The following XKR6 variants were observed in gnomAD, a reference collection of about 807,000 sequenced individuals.
The protein encoded by XKR6 is XK related 6, also known as XK-related protein 6.
Under a neutral mutation model 56.7 loss-of-function variants are expected in XKR6, and 22 were observed. The observed-to-expected ratio is 0.39, with a 90% CI of 0.28 to 0.55. XKR6 has a LOEUF of 0.55. Among genes scored for constraint, XKR6 ranks in the 20% least tolerant of loss-of-function variants. The pLI is 0.66. For synonymous variants in XKR6, 524 were observed against 387.8 expected (o/e 1.35, Z -4.13); for missense variants, 852 against 889.0 (o/e 0.96, Z 0.53).
intron 1 of XKR6, among the ~76,000 whole-genome samples, chr8:10,966,833 TG>T (rs1802239368): frequency 6.6e-6 from 1 of 152,198 alleles, no homozygotes; most frequent in Non-Finnish European, 1.5e-5. Context: ...TGAGAAGCCG[TG>T]GTCTAAACCT....
At chr8:11,055,237 G>T (rs956165193) in intron 1 of XKR6, among the ~76,000 whole-genome samples, 119 of 152,272 alleles carry the variant, frequency 7.8e-4, no homozygotes, top group African/African-American at 2.7e-3. Context: ...GAAGCAGCGT[G>T]GGGTGGATGA....
chr8:11,187,923 A>T (rs1803360441), intron 1 of XKR6, among the ~76,000 whole-genome samples: 1 of 152,226 alleles, frequency 6.6e-6, no homozygotes, highest in South Asian at 2.1e-4. Flanking sequence ...CGCAAGTTTC[A>T]AGGAAGAGTT....
chr8:11,165,976 G>C (rs1393376137), intron 1 of XKR6, among the ~76,000 whole-genome samples: 1 of 141,530 alleles, frequency 7.1e-6, no homozygotes, highest in Non-Finnish European at 1.5e-5. Flanking sequence ...TTTTTTTTGA[G>C]ATGGAGTCTC....
intron 1 of XKR6, among the ~76,000 whole-genome samples, chr8:11,178,243 T>G (rs1265234566): frequency 6.6e-6 from 1 of 152,118 alleles, no homozygotes; most frequent in African/African-American, 2.4e-5. Context: ...AACAAATCTG[T>G]CTACTCTAGA....
chr8:10,969,636 C>T (rs1802341236), intron 1 of XKR6, among the ~76,000 whole-genome samples: 1 of 152,142 alleles, frequency 6.6e-6, no homozygotes, highest in African/African-American at 2.4e-5. Flanking sequence ...TCCTGAAAGG[C>T]CAGAGGAACT....
chr8:11,001,448 C>G (rs1441483831), intron 1 of XKR6, among the ~76,000 whole-genome samples: 2 of 152,198 alleles, frequency 1.3e-5, no homozygotes, highest in Non-Finnish European at 2.9e-5. Context: ...CAGCTAGACT[C>G]TCGAATATTC....
chr8:10,910,840 A>G (rs1306119483), intron 2 of XKR6, among the ~76,000 whole-genome samples: 2 of 152,206 alleles, frequency 1.3e-5, no homozygotes, highest in African/African-American at 4.8e-5. Flanking sequence ...TTCTAGAACA[A>G]ATGTCAGCCA....
chr8:11,195,009 A>C (rs1803795154), intron 1 of XKR6: 1 of 589,120 alleles, frequency 1.7e-6, no homozygotes, highest in African/African-American at 1.9e-5. Flanking sequence ...TCACTCAAAA[A>C]CAAGAAATAA....
At chr8:10,954,379 A>T (rs1333157819) in intron 1 of XKR6, among the ~76,000 whole-genome samples, 1 of 152,190 alleles carries the variant, frequency 6.6e-6, no homozygotes, top group Non-Finnish European at 1.5e-5. Context: ...GTGGTATCAC[A>T]GTGTGGTTTT....
chr8:10,941,779 C>A (rs983343671), intron 1 of XKR6, among the ~76,000 whole-genome samples: 4 of 152,162 alleles, frequency 2.6e-5, no homozygotes, highest in Non-Finnish European at 5.9e-5. Flanking sequence ...CCACCCTCGA[C>A]CAGCAGGGCC....
chr8:10,944,610 G>A (rs140768704), intron 1 of XKR6, among the ~76,000 whole-genome samples: 344 of 152,264 alleles, frequency 2.3e-3, no homozygotes, highest in African/African-American at 7.8e-3. Flanking sequence ...ATGTAGTCGC[G>A]ACCAGGGCCA....
intron 2 of XKR6, among the ~76,000 whole-genome samples, chr8:10,899,473 C>T (rs1267090037): frequency 6.6e-6 from 1 of 152,240 alleles, no homozygotes; most frequent in African/African-American, 2.4e-5. Context: ...AACCTTCTTC[C>T]AGTTAGCTTC....
intron 1 of XKR6, among the ~76,000 whole-genome samples, chr8:10,935,376 G>A (rs1016881796): frequency 2.4e-5 from 3 of 126,578 alleles, no homozygotes; most frequent in African/African-American, 1.0e-4. Flanking sequence ...ATTTTTTGAA[G>A]GGTTTTTTGT....
chr8:10,898,410 T>C lies in XKR6; in HGVS notation c.1468A>G (p.Met490Val). 3.1e-6 allele frequency: 5 copies of C among 1,614,034 alleles called. No homozygotes were observed. Among genetic ancestry groups the C allele is most frequent in the Non-Finnish European group, 3.4e-6 (4 of 1,180,004 alleles). ...VFISFVAGIA[M>V]MLLYYGVLHP... The stretch of plus-strand genomic sequence containing the variant: ...AGCACGCCATAGTATAAGAGCATCA[T>C]TGCGATCCCAGCCACAAAGCTAATA... The change falls in exon 3 of 3, where the codon ATG (methionine) becomes GTG (valine). Residue 490 changes from methionine to valine, a missense_variant. Met to Val is a conservative substitution (Grantham distance 21). This residue lies in a region of XKR6 where 197 missense variants were observed against 190.9 expected (regional missense o/e 1.03). Coordinates refer to ENST00000416569, the MANE Select transcript of XKR6 (RefSeq NM_173683.4). This position sits in a 1 kb window ranked among gnomAD's most constrained non-coding sequence, Gnocchi z 6.6.
chr8:10,996,342 C>A (rs1798112518), intron 1 of XKR6, among the ~76,000 whole-genome samples: 1 of 152,128 alleles, frequency 6.6e-6, no homozygotes, highest in Admixed American at 6.6e-5. Context: ...GTAATTTCTG[C>A]CGCTGCTGAC....
chr8:10,923,146 G>T (rs1800771895), intron 2 of XKR6, among the ~76,000 whole-genome samples: 1 of 152,236 alleles, frequency 6.6e-6, no homozygotes, highest in African/African-American at 2.4e-5. Context: ...AGAGGTTGTG[G>T]CTGCCTTGAG....
chr8:11,138,593 T>C (rs531050767), intron 1 of XKR6: 20 of 152,340 alleles, frequency 1.3e-4, no homozygotes, highest in African/African-American at 4.6e-4. Flanking sequence ...CTGTCTCTTA[T>C]TTAATTTTAA....
intron 1 of XKR6, among the ~76,000 whole-genome samples, chr8:10,930,444 T>C (rs777676593): frequency 3.9e-5 from 6 of 152,322 alleles, no homozygotes; most frequent in Middle Eastern, 3.4e-3. Context: ...TCCCTATTCA[T>C]TTTATGAGGC....
intron 1 of XKR6, among the ~76,000 whole-genome samples, chr8:11,165,790 G>C (rs1193240354): frequency 6.6e-6 from 1 of 152,028 alleles, no homozygotes. Context: ...TTGTTGAGAT[G>C]ATCATTTCTA....
Sources: allele counts gnomAD v4.1 joint callset (sites outside exome capture counted in the v4.1 genomes callset), GRCh38; gene constraint gnomAD v4.1.1; regional missense constraint gnomAD v4.1.1; non-coding constraint Gnocchi (gnomAD v3.1); transcripts MANE v1.5; gene names NCBI Gene and HGNC (gene_info 2026-07-23, HGNC 2026-07-21).